The following PFKFB3 variants were observed in gnomAD, a reference collection of about 807,000 sequenced individuals.
PFKFB3 encodes the protein 6-phosphofructo-2-kinase/fructose-2,6-bisphosphatase 3.
Under a neutral mutation model 68.0 loss-of-function variants are expected in PFKFB3, and 33 were observed. The observed-to-expected ratio is 0.49, with a 90% CI of 0.37 to 0.65. The LOEUF (loss-of-function observed/expected upper bound fraction) is 0.65. Ranked by LOEUF, PFKFB3 falls within the 30% of genes least tolerant of loss-of-function variation. The pLI, the probability that PFKFB3 is intolerant of heterozygous loss-of-function variation, is 0.00. For missense variants in PFKFB3, 586 were observed against 712.2 expected (o/e 0.82, Z 2.02); for synonymous variants, 315 against 288.2 (o/e 1.09, Z -0.94).
At chr10:6,242,702 C>T (rs1846167322) in intron 14 of PFKFB3, among the ~76,000 whole-genome samples, 2 of 152,144 alleles carry the variant, frequency 1.3e-5, no homozygotes, top group Admixed American at 6.6e-5. Flanking sequence ...ACTCTCCTGC[C>T]TCTGCCTCTC....
the PFKFB3 span, among the ~76,000 whole-genome samples, chr10:6,305,451 G>A: frequency 6.6e-6 from 1 of 152,218 alleles, no homozygotes; most frequent in African/African-American, 2.4e-5. Context: ...AAAGTGTTGG[G>A]ATTACAGGCG....
At chr10:6,271,803 G>A in the PFKFB3 span, among the ~76,000 whole-genome samples, 1 of 152,206 alleles carries the variant, frequency 6.6e-6, no homozygotes, top group Non-Finnish European at 1.5e-5. Context: ...ATCTGTGTGT[G>A]CTTTCTCCCC....
At chr10:6,190,520 T>C (rs897455080) in intron 1 of PFKFB3, among the ~76,000 whole-genome samples, 3 of 152,132 alleles carry the variant, frequency 2.0e-5, no homozygotes, top group South Asian at 4.1e-4. Flanking sequence ...TTGTACAGGA[T>C]TTTGGGTGCA....
intron 14 of PFKFB3, among the ~76,000 whole-genome samples, chr10:6,230,308 C>A (rs1845657598): frequency 6.6e-6 from 1 of 152,126 alleles, no homozygotes; most frequent in African/African-American, 2.4e-5. Context: ...TCCACCTGGG[C>A]TCTGTGACCA....
chr10:6,221,029 G>A (rs1238227759), intron 8 of PFKFB3, among the ~76,000 whole-genome samples, 164 bp downstream of exon 8: 5 of 98,044 alleles, frequency 5.1e-5, no homozygotes, highest in Non-Finnish European at 1.4e-4. Context: ...ATGCATATCT[G>A]TGTGCATCTC....
the PFKFB3 span, among the ~76,000 whole-genome samples, chr10:6,321,882 G>A: frequency 6.6e-6 from 1 of 152,094 alleles, no homozygotes; most frequent in African/African-American, 2.4e-5. Context: ...CTCCTTTGCC[G>A]ATTCCGCCTC....
At chr10:6,263,004 C>T in the PFKFB3 span, among the ~76,000 whole-genome samples, 8 of 151,980 alleles carry the variant, frequency 5.3e-5, no homozygotes, top group South Asian at 2.1e-4. Context: ...AACCCAGCAG[C>T]GCTAGAGGAA....
At chr10:6,225,121 A>G (rs1223464921) in intron 13 of PFKFB3, 2 of 456,080 alleles carry the variant, frequency 4.4e-6, no homozygotes, top group East Asian at 6.9e-5. Context: ...GCTCAGGTGG[A>G]CGCGTGTTGT....
At chr10:6,193,671 G>A (rs1042407301) in intron 1 of PFKFB3, among the ~76,000 whole-genome samples, 3 of 152,248 alleles carry the variant, frequency 2.0e-5, no homozygotes, top group African/African-American at 7.2e-5. Context: ...AGTCAGCAAA[G>A]GGTGGTGGGA....
chr10:6,164,484 C>A (rs1842070562), intron 1 of PFKFB3, among the ~76,000 whole-genome samples: 1 of 152,206 alleles, frequency 6.6e-6, no homozygotes, highest in Non-Finnish European at 1.5e-5. Flanking sequence ...TGAAAGACTT[C>A]TGAAGGGGGC....
intron 1 of PFKFB3, among the ~76,000 whole-genome samples, chr10:6,183,701 T>C (rs1269901405): frequency 2.7e-5 from 4 of 150,816 alleles, no homozygotes; most frequent in Non-Finnish European, 5.9e-5. Flanking sequence ...TTAATTTTTT[T>C]TTTTGAGACA....
chr10:6,318,069 C>T, the PFKFB3 span, among the ~76,000 whole-genome samples: 1 of 152,202 alleles, frequency 6.6e-6, no homozygotes, highest in Non-Finnish European at 1.5e-5. Context: ...CTTTTCATGA[C>T]ACCATGCCCC....
intron 1 of PFKFB3, among the ~76,000 whole-genome samples, chr10:6,179,411 C>T (rs1358140236): frequency 1.3e-5 from 2 of 152,222 alleles, no homozygotes; most frequent in Non-Finnish European, 2.9e-5. Context: ...GTTTTGTGAT[C>T]ATTAATCAGT....
intron 1 of PFKFB3, among the ~76,000 whole-genome samples, chr10:6,174,818 AAT>A (rs1491429383): frequency 6.9e-5 from 6 of 87,076 alleles, no homozygotes; most frequent in East Asian, 2.8e-4. Context: ...TTCTTTCTTT[AAT>A]TTTTTTTTTT....
chr10:6,315,947 C>A, the PFKFB3 span, among the ~76,000 whole-genome samples: 40 of 152,300 alleles, frequency 2.6e-4, no homozygotes, highest in East Asian at 7.7e-3. Flanking sequence ...AGAATGGAAT[C>A]CAGAATAGTT....
chr10:6,178,381 G>C (rs1842594725), intron 1 of PFKFB3, among the ~76,000 whole-genome samples: 1 of 152,176 alleles, frequency 6.6e-6, no homozygotes, highest in Non-Finnish European at 1.5e-5. Flanking sequence ...GACACAACCA[G>C]CAACAAGAGA....
chr10:6,311,448 A>C, the PFKFB3 span, among the ~76,000 whole-genome samples: 5 of 151,976 alleles, frequency 3.3e-5, no homozygotes, highest in East Asian at 9.6e-4. Flanking sequence ...GCCACTACAA[A>C]TTATAGTCAA....
the PFKFB3 span, among the ~76,000 whole-genome samples, chr10:6,281,262 G>A: frequency 6.7e-6 from 1 of 149,804 alleles, no homozygotes; most frequent in Admixed American, 6.7e-5. Flanking sequence ...AATTGGTGAG[G>A]CAGAAGCATT....
the PFKFB3 span, among the ~76,000 whole-genome samples, chr10:6,316,650 G>A: frequency 6.6e-6 from 1 of 152,068 alleles, no homozygotes; most frequent in Admixed American, 6.6e-5. Context: ...GCTAGTTTTT[G>A]TATTTTCAGT....
Sources: allele counts gnomAD v4.1 joint callset (sites outside exome capture counted in the v4.1 genomes callset), GRCh38; gene constraint gnomAD v4.1.1; transcripts MANE v1.5; gene names NCBI Gene and HGNC (gene_info 2026-07-23, HGNC 2026-07-21).